The following SHCBP1L variants were observed in gnomAD, a reference collection of about 807,000 sequenced individuals.
SHCBP1L encodes SHC binding and spindle associated 1 like.
A neutral mutation model predicts 62.5 loss-of-function variants in SHCBP1L; 67 were observed. That is an observed-to-expected ratio of 1.07 (90% CI 0.88 to 1.31). The LOEUF (loss-of-function observed/expected upper bound fraction) is 1.31, where lower values mean the gene tolerates loss of function less well. Among genes scored for constraint, SHCBP1L ranks in the 40% most tolerant of loss-of-function variants. SHCBP1L has a pLI of 0.00. For missense variants in SHCBP1L, 823 were observed against 809.8 expected, an observed-to-expected ratio of 1.02 and a Z score of -0.20; for synonymous variants, 284 against 289.4, an observed-to-expected ratio of 0.98 and a Z score of 0.19.
rs751954188 is a variant in SHCBP1L at position 182,952,919 on chromosome 1, C to A, written c.215G>T (p.Arg72Leu). Residue 72 changes from arginine to leucine, a missense_variant, in exon 1 of 10, where the codon CGC becomes CTC. Transcript: ENST00000367547. Reference protein sequence around the residue: ...GRETARLRLQRLPAAQAEDTG... With the variant: ...GRETARLRLQLLPAAQAEDTG... ...GTCCTCGGCCTGAGCCGCGGGCAGGCGCTGGAGCCGCAGCCTGGCCGTCTC... is the reference window on the plus strand; with the variant it reads ...GTCCTCGGCCTGAGCCGCGGGCAGGAGCTGGAGCCGCAGCCTGGCCGTCTC... The A allele has an allele frequency of 2.6e-6, 4 of 1,562,836 alleles. No homozygotes were observed. The South Asian group carries it at 4.7e-5, about 18-fold the overall frequency.
chr1:182,909,085 T>C (rs2101922916), intron 6 of SHCBP1L, among the ~76,000 whole-genome samples: 1 of 152,320 alleles, frequency 6.6e-6, no homozygotes, highest in East Asian at 1.9e-4. Flanking sequence ...AGACTACCTC[T>C]GTAAATAAAT....
At chr1:182,901,418 T>G (rs1159712055) in intron 9 of SHCBP1L, among the ~76,000 whole-genome samples, 2 of 152,000 alleles carry the variant, frequency 1.3e-5, no homozygotes, top group African/African-American at 2.4e-5. Flanking sequence ...GATCGCGCCA[T>G]TACACTCCAG....
Position 182,900,024 on chromosome 1 carries a change from C to T in SHCBP1L, c.1921G>A (p.Glu641Lys). 1 of 1,612,606 alleles carries T rather than the reference C, an allele frequency of 6.2e-7. No individual in the cohort carries two copies. Among genetic ancestry groups the T allele is most frequent in the Non-Finnish European group, 8.5e-7 (1 of 1,179,368 alleles). The change falls in exon 10 of 10, where the codon GAA (glutamate) becomes AAA (lysine). Residue 641 changes from glutamate to lysine, a missense_variant. Coordinates refer to ENST00000367547, the MANE Select transcript of SHCBP1L (RefSeq NM_030933.4). ...CTGATATCCCCCTTGACGTTTGCTT[C>T]TATCTTATTATTATTCATTTCCAGA... ...LNLEMNNNKI[E>K]ANVKGDIRIV... is the part of the protein sequence containing the mutation.
intron 6 of SHCBP1L, among the ~76,000 whole-genome samples, chr1:182,906,555 C>G (rs1316893947): frequency 1.3e-5 from 2 of 151,946 alleles, no homozygotes; most frequent in East Asian, 3.9e-4. Flanking sequence ...CCTCAGCCTC[C>G]CGAGTAGTTG....
chr1:182,905,047 T>TTTGTTG (rs556437004), intron 7 of SHCBP1L, among the ~76,000 whole-genome samples: 2 of 152,106 alleles, frequency 1.3e-5, no homozygotes, highest in African/African-American at 2.4e-5. Flanking sequence ...ATATCCAGCT[T>TTTGTTG]TTGTTGTTGT....
chr1:182,952,810 T>C lies in SHCBP1L; in HGVS notation c.324A>G (p.Pro108=). The change falls in exon 1 of 10, where the codon CCA becomes CCG. Residue 108 remains proline (P), a synonymous_variant. Coordinates refer to ENST00000367547, the MANE Select transcript of SHCBP1L (RefSeq NM_030933.4). ...TCCCCCTCATACGGGACACGCAGAC[T>C]GGGGGCAGGGGCTGCGCCTCCTCTT... ...EDEEEAQPLP[P]VCVSRMRGMW... 1 of 1,612,646 alleles carries C rather than the reference T, an allele frequency of 6.2e-7. No homozygotes were observed. Among genetic ancestry groups the C allele is most frequent in the Non-Finnish European group, 8.5e-7 (1 of 1,179,528 alleles).
chr1:182,928,161 T>A (rs1650844680), intron 6 of SHCBP1L, among the ~76,000 whole-genome samples: 2 of 149,480 alleles, frequency 1.3e-5, no homozygotes. Context: ...CTATCTAATA[T>A]GCCAGCTTTA....
At chr1:182,924,892 A>AG (rs1650666794) in intron 6 of SHCBP1L, among the ~76,000 whole-genome samples, 1 of 132,548 alleles carries the variant, frequency 7.5e-6, no homozygotes, top group African/African-American at 3.4e-5. Flanking sequence ...AGGGAAAGAC[A>AG]AAGAGAGAGA....
In SHCBP1L at chr1:182,904,443, G is replaced by A; in HGVS notation, c.1337-13C>T. On this transcript the variant is annotated splice_polypyrimidine_tract_variant and intron_variant, in intron 7 of 9. Coordinates refer to ENST00000367547, the MANE Select transcript of SHCBP1L (RefSeq NM_030933.4). ...CTCTTTCCAACTCCTGATTCATAGG[G>A]ATAAAAATACATTAAATCAGTAATC... 1 of 1,612,278 alleles carries A rather than the reference G, an allele frequency of 6.2e-7. No homozygotes were observed. Among genetic ancestry groups the A allele is most frequent in the Non-Finnish European group, 8.5e-7 (1 of 1,179,272 alleles).
intron 6 of SHCBP1L, among the ~76,000 whole-genome samples, chr1:182,908,864 C>T (rs955815473): frequency 2.0e-5 from 3 of 152,116 alleles, no homozygotes; most frequent in Non-Finnish European, 4.4e-5. Context: ...TTGTCATAAA[C>T]AAAACAACAT....
At chr1:182,915,101 G>T (rs1377321116) in intron 6 of SHCBP1L, among the ~76,000 whole-genome samples, 4 of 130,788 alleles carry the variant, frequency 3.1e-5, no homozygotes, top group African/African-American at 1.1e-4. Context: ...GGCGGAAGTT[G>T]CAGTGAGCTG....
chr1:182,951,304 T>C lies in SHCBP1L; in HGVS notation c.555+14A>G, dbSNP rs749621415. 1.8e-5 allele frequency: 28 copies of C among 1,519,834 alleles called. No homozygotes were observed. Among genetic ancestry groups the C allele is most frequent in the Non-Finnish European group, 2.5e-5 (28 of 1,132,170 alleles). The allele number at this position is 1,519,834 out of a possible 1,614,324, so 94.1% of individuals were successfully genotyped here. Reference sequence around the variant, plus strand: ...TGATTCAAAAAGAACAAAGATCAAATAAAATTTATTTACCTCAACCAATAT... The same window carrying C: ...TGATTCAAAAAGAACAAAGATCAAACAAAATTTATTTACCTCAACCAATAT... On this transcript the variant is annotated intron_variant, in intron 2 of 9. Coordinates refer to ENST00000367547, the MANE Select transcript of SHCBP1L (RefSeq NM_030933.4).
In SHCBP1L at chr1:182,939,336, T is replaced by C. The variant is rs1651278854; in HGVS notation, c.916A>G (p.Thr306Ala). 3.1e-6 allele frequency: 5 copies of C among 1,613,884 alleles called. No homozygotes were observed. The Admixed American group carries it at 6.7e-5, about 22-fold the overall frequency. Reference protein sequence around the residue: ...PGPIAQRFKKTLEKYKNKRVE... With the variant: ...PGPIAQRFKKALEKYKNKRVE... The stretch of plus-strand genomic sequence containing the variant: ...CGTTTGTTTTTATATTTCTCCAAAG[T>C]TTTTTTAAAACGTTGTGCGATAGGA... The change falls in exon 5 of 10, where the codon ACT becomes GCT. Residue 306 changes from threonine (T) to alanine (A), a missense_variant. Physicochemically the swap from Thr to Ala is moderately conservative, Grantham distance 58. Transcript: ENST00000367547.
intron 5 of SHCBP1L, among the ~76,000 whole-genome samples, chr1:182,932,758 G>T (rs1571351695): frequency 6.6e-6 from 1 of 152,170 alleles, no homozygotes; most frequent in East Asian, 1.9e-4. Context: ...GCCTCCCAAA[G>T]TGCTGGGATT....
At chr1:182,920,011 T>G (rs1650479854) in intron 6 of SHCBP1L, among the ~76,000 whole-genome samples, 2 of 152,096 alleles carry the variant, frequency 1.3e-5, no homozygotes, top group Non-Finnish European at 1.5e-5. Context: ...CCACTAGCAC[T>G]AATGCATACA....
chr1:182,909,230 A>G (rs767574091), intron 6 of SHCBP1L, among the ~76,000 whole-genome samples: 7 of 152,216 alleles, frequency 4.6e-5, no homozygotes, highest in Non-Finnish European at 1.0e-4. Context: ...TTGAAGTGCC[A>G]GTGGAGTCAC....
intron 6 of SHCBP1L, among the ~76,000 whole-genome samples, chr1:182,906,646 G>C (rs1462168216): frequency 6.6e-6 from 1 of 151,318 alleles, no homozygotes; most frequent in Non-Finnish European, 1.5e-5. Flanking sequence ...TAGCCAGGTT[G>C]GTCTCGAACT....
rs576735589 is a variant in SHCBP1L at position 182,921,069 on chromosome 1, G to A, written c.1182+8578C>T. Among the ~76,000 whole-genome samples, 3 of 152,180 alleles carry A rather than the reference G, an allele frequency of 2.0e-5. No individual in the cohort carries two copies. In the South Asian group the frequency reaches 6.2e-4, roughly 32 times the overall value. On this transcript the variant is annotated intron_variant, in intron 6 of 9. Coordinates refer to ENST00000367547, the MANE Select transcript of SHCBP1L (RefSeq NM_030933.4). ...ACAAAATGACCATCCCCAAGACATAGTCATCAGATTCTTCAAGGTCAACGT... is the reference window on the plus strand; with the variant it reads ...ACAAAATGACCATCCCCAAGACATAATCATCAGATTCTTCAAGGTCAACGT...
intron 6 of SHCBP1L, among the ~76,000 whole-genome samples, chr1:182,926,141 T>G (rs1033083708): frequency 6.6e-6 from 1 of 152,120 alleles, no homozygotes; most frequent in Admixed American, 6.6e-5. Context: ...CCCTACTAAA[T>G]GTCAATGAAT....
Sources: gnomAD v4.1 joint callset for allele counts (sites outside exome capture counted in the v4.1 genomes callset) on GRCh38, gnomAD v4.1.1 for gene constraint, MANE v1.5 for transcripts, NCBI Gene and HGNC (gene_info 2026-07-23, HGNC 2026-07-21) for gene names.